Variants in DNAH5 observed in about 807,000 individuals in gnomAD.
DNAH5 encodes dynein axonemal heavy chain 5, also known as axonemal beta dynein heavy chain 5.
Under a neutral mutation model 518.2 loss-of-function variants are expected in DNAH5, and 372 were observed. The ratio of observed to expected loss-of-function variants is 0.72; its 90% CI spans 0.66 to 0.78. The LOEUF (loss-of-function observed/expected upper bound fraction) is 0.78, where lower values mean the gene tolerates loss of function less well. DNAH5 is among the 30% of genes least tolerant of loss of function. The probability of loss-of-function intolerance (pLI) is 0.00; values close to 1 mark genes in which losing one functional copy is unlikely to be tolerated. For missense variants in DNAH5, 5,523 were observed against 5,687.0 expected, an observed-to-expected ratio of 0.97 and a Z score of 0.93; for synonymous variants, 2,039 against 2,025.9, an observed-to-expected ratio of 1.01 and a Z score of -0.17.
Position 13,944,448 on chromosome 5 carries a change from G to T in DNAH5, c.-10C>A, listed in dbSNP as rs1244557784. 1 of 1,612,064 alleles carries T rather than the reference G, an allele frequency of 6.2e-7. No homozygotes were observed. The highest frequency in any genetic ancestry group is 8.5e-7 in the Non-Finnish European group (1 of 1,179,590). ...TCCCAATCCTAAACATTGTAGCCGT[G>T]CATGGACAGGCTGGAGTCAGCTCTT... On this transcript the variant is annotated 5_prime_UTR_variant, in exon 1 of 79. Coordinates refer to ENST00000265104, the MANE Select transcript of DNAH5 (RefSeq NM_001369.3).
chr5:14,010,636 G>C (rs1785051306), intron 1 of DNAH5, among the ~76,000 whole-genome samples: 1 of 152,040 alleles, frequency 6.6e-6, no homozygotes, highest in Non-Finnish European at 1.5e-5. Flanking sequence ...ACAAAATATA[G>C]TGAAAATTCC....
At position 13,913,883 on chromosome 5, in the gene DNAH5, C is replaced by G. The variant is rs377439232; in HGVS notation, c.1396G>C (p.Glu466Gln). 3 of 1,613,548 alleles carry G rather than the reference C, an allele frequency of 1.9e-6. No homozygotes were observed. The highest frequency in any genetic ancestry group is 2.5e-6 in the Non-Finnish European group (3 of 1,179,606). ...TCGAATTTTCCAAAAATATACATCTCGCTAAAATCAAATTGTTTTGCATTT... is the reference window on the plus strand; with the variant it reads ...TCGAATTTTCCAAAAATATACATCTGGCTAAAATCAAATTGTTTTGCATTT... Reference protein sequence around the residue: ...NPNAKQFDFSEMYIFGKFETF... With the variant: ...NPNAKQFDFSQMYIFGKFETF... The change falls in exon 11 of 79, where the codon GAG (glutamate) becomes CAG (glutamine). Residue 466 changes from glutamate to glutamine, a missense_variant. By Grantham distance (29) the Glu-to-Gln change is conservative (BLOSUM62 2). Coordinates refer to ENST00000265104, the MANE Select transcript of DNAH5 (RefSeq NM_001369.3).
chr5:13,863,940 T>C (rs539773003), intron 28 of DNAH5, among the ~76,000 whole-genome samples: 1 of 152,206 alleles, frequency 6.6e-6, no homozygotes, highest in Non-Finnish European at 1.5e-5. Context: ...AGATGCTCCA[T>C]GCATAATGCA....
intron 31 of DNAH5, 136 bp downstream of exon 31, chr5:13,850,516 A>G (rs1357269111): frequency 2.8e-6 from 2 of 718,236 alleles, no homozygotes; most frequent in East Asian, 5.4e-5. Context: ...TCAAAATATC[A>G]GTTTCATCTG....
Position 13,807,699 on chromosome 5 carries a change from T to C in DNAH5, c.7779A>G (p.Gly2593=). The change falls in exon 47 of 79, where the codon GGA becomes GGG. Residue 2593 remains glycine (G), a synonymous_variant. Coordinates refer to ENST00000265104, the MANE Select transcript of DNAH5 (RefSeq NM_001369.3). ...CTTTAATTATTACTGTTTTGGCTGTTCCTTGTTCACCAATTAATAGCACAG... is the reference window on the plus strand; with the variant it reads ...CTTTAATTATTACTGTTTTGGCTGTCCCTTGTTCACCAATTAATAGCACAG... ...GKAVLLIGEQ[G]TAKTVIIKGF... is the part of the protein sequence containing the mutation. 6.2e-7 allele frequency: 1 copy of C among 1,608,388 alleles called. No homozygotes were observed. Among genetic ancestry groups the C allele is most frequent in the Non-Finnish European group, 8.5e-7 (1 of 1,176,300 alleles).
Position 13,811,920 on chromosome 5 carries a change from G to A in DNAH5, c.7231-97C>T. 3 of 1,003,270 alleles carry A rather than the reference G, an allele frequency of 3.0e-6. No individual in the cohort carries two copies. The Middle Eastern group carries it at 8.5e-4, about 285-fold the overall frequency. 62.1% of individuals were successfully genotyped at this position (1,003,270 alleles called of 1,614,324 possible). A position where few individuals can be genotyped will look rare whatever the true frequency, so the allele number is the denominator to read the frequency against. On this transcript the variant is annotated intron_variant, in intron 43 of 78. Coordinates refer to ENST00000265104, the MANE Select transcript of DNAH5 (RefSeq NM_001369.3). Reference sequence around the variant, plus strand: ...AATTTTAAAAGTATCTGTTAATAATGATAATATCTAATGATTATACCACAC... The same window carrying A: ...AATTTTAAAAGTATCTGTTAATAATAATAATATCTAATGATTATACCACAC...
chr5:14,001,867 A>G (rs1259948418), intron 1 of DNAH5, among the ~76,000 whole-genome samples: 1 of 151,990 alleles, frequency 6.6e-6, no homozygotes, highest in African/African-American at 2.4e-5. Flanking sequence ...GAATAAAGCA[A>G]TAAGCCCAAT....
intron 12 of DNAH5, among the ~76,000 whole-genome samples, chr5:13,910,326 A>G (rs138727790): frequency 1.6e-4 from 24 of 152,306 alleles, no homozygotes; most frequent in African/African-American, 5.8e-4. Flanking sequence ...GAGAGTAACA[A>G]GAGCACCCAC....
At chr5:13,974,860 G>A (rs999490702) in intron 1 of DNAH5, among the ~76,000 whole-genome samples, 2 of 152,114 alleles carry the variant, frequency 1.3e-5, no homozygotes, top group South Asian at 4.2e-4. Context: ...GAGACACAAG[G>A]TGGCTCGGAA....
intron 75 of DNAH5, among the ~76,000 whole-genome samples, chr5:13,713,124 T>TATATATATATACACAC (rs1554018603): frequency 1.4e-5 from 2 of 146,562 alleles, no homozygotes; most frequent in African/African-American, 5.1e-5. Flanking sequence ...TATATATATA[T>TATATATATATACACAC]ACACACACAC....
chr5:13,836,203 GT>G (rs1422824063), intron 35 of DNAH5, among the ~76,000 whole-genome samples: 1 of 152,196 alleles, frequency 6.6e-6, no homozygotes. Flanking sequence ...GGGCACTTTT[GT>G]GAGGCTGATC....
At chr5:13,879,390 C>T (rs945993425) in intron 21 of DNAH5, among the ~76,000 whole-genome samples, 2 of 151,952 alleles carry the variant, frequency 1.3e-5, no homozygotes, top group African/African-American at 2.4e-5. Context: ...CCCTAGTAAG[C>T]CTATTGTAAA....
At chr5:13,989,191 A>G (rs1027546768) in intron 1 of DNAH5, among the ~76,000 whole-genome samples, 2 of 152,182 alleles carry the variant, frequency 1.3e-5, no homozygotes, top group Admixed American at 6.5e-5. Flanking sequence ...TGTGATAACA[A>G]CAGTGGGTGG....
intron 41 of DNAH5, among the ~76,000 whole-genome samples, chr5:13,819,920 G>T (rs940628507): frequency 1.3e-5 from 2 of 152,102 alleles, no homozygotes; most frequent in Non-Finnish European, 2.9e-5. Context: ...GTTGTATTTT[G>T]TTTTTACTGG....
intron 65 of DNAH5, among the ~76,000 whole-genome samples, chr5:13,742,624 G>T (rs879689641): frequency 6.6e-6 from 1 of 151,966 alleles, no homozygotes; most frequent in Non-Finnish European, 1.5e-5. Flanking sequence ...TTCAATTCTT[G>T]ATAAAGCAAA....
At chr5:13,927,450 G>A (rs896433902) in intron 3 of DNAH5, among the ~76,000 whole-genome samples, 3 of 152,012 alleles carry the variant, frequency 2.0e-5, no homozygotes, top group South Asian at 2.1e-4. Context: ...TAGAGGTTGC[G>A]GGGAGCCAAG....
chr5:13,858,561 T>C (rs1767949682), intron 30 of DNAH5, among the ~76,000 whole-genome samples: 1 of 19,624 alleles, frequency 5.1e-5, no homozygotes, highest in African/African-American at 2.5e-4. Flanking sequence ...AGAACTTAAA[T>C]ATAATTTAAA....
intron 1 of DNAH5, among the ~76,000 whole-genome samples, chr5:13,961,475 C>A (rs1280130378): frequency 6.6e-6 from 1 of 152,052 alleles, no homozygotes; most frequent in East Asian, 1.9e-4. Context: ...GAAACCCCAT[C>A]TCTATTAAAA....
chr5:13,833,825 G>C (rs1476827675), intron 35 of DNAH5, among the ~76,000 whole-genome samples: 1 of 152,148 alleles, frequency 6.6e-6, no homozygotes, highest in African/African-American at 2.4e-5. Flanking sequence ...AAAACACTAC[G>C]AGTTTTGGAG....
Sources: gnomAD v4.1 joint callset for allele counts (sites outside exome capture counted in the v4.1 genomes callset) on GRCh38, gnomAD v4.1.1 for gene constraint, MANE v1.5 for transcripts, NCBI Gene and HGNC (gene_info 2026-07-23, HGNC 2026-07-21) for gene names.